LARP1: variants seen among roughly 807,000 people sequenced by gnomAD.
LARP1 encodes the protein la-related protein 1.
LARP1 carries 36 observed loss-of-function variants against 122.7 expected under a neutral mutation model. The ratio of observed to expected loss-of-function variants is 0.29; its 90% CI spans 0.22 to 0.39. The LOEUF is 0.39. Ranked by LOEUF, LARP1 falls within the 10% of genes least tolerant of loss-of-function variation. The pLI, the probability that LARP1 is intolerant of heterozygous loss-of-function variation, is 1.00. For missense variants in LARP1, 1,040 were observed against 1,403.6 expected, an observed-to-expected ratio of 0.74 and a Z score of 4.14; for synonymous variants, 539 against 528.7, an observed-to-expected ratio of 1.02 and a Z score of -0.27.
intron 14 of LARP1, chr5:154,805,171 G>A (rs73276785): frequency 6.1e-6 from 2 of 328,204 alleles, no homozygotes; most frequent in South Asian, 2.5e-5. Context: ...GGAGAGTGAG[G>A]TACAGTTTAC....
exon 1 of LARP1, chr5:154,712,901 A>G (rs1561539727): frequency 1.9e-6 from 3 of 1,603,694 alleles, no homozygotes; most frequent in Non-Finnish European, 2.6e-6. Context: ...AGGGCCACAT[A>G]GTGACCCCAG....
intron 1 of LARP1, among the ~76,000 whole-genome samples, chr5:154,692,277 A>T (rs116327727): frequency 6.6e-6 from 1 of 152,216 alleles, no homozygotes; most frequent in Non-Finnish European, 1.5e-5. Context: ...GGAGTCTACC[A>T]GTTCCTAGCT....
intron 4 of LARP1, 66 bp downstream of exon 4, chr5:154,792,862 A>G: frequency 6.5e-7 from 1 of 1,527,614 alleles, no homozygotes; most frequent in Non-Finnish European, 8.9e-7. Context: ...TCAGGACTCC[A>G]GGGGACTGCT....
chr5:154,784,422 A>G (rs1273806024), intron 1 of LARP1, among the ~76,000 whole-genome samples: 3 of 152,220 alleles, frequency 2.0e-5, no homozygotes, highest in Non-Finnish European at 4.4e-5. Context: ...TGTGAATGTA[A>G]TACAGCCCCT....
chr5:154,811,750 C>A, intron 18 of LARP1, 110 bp downstream of exon 18: 1 of 1,300,048 alleles, frequency 7.7e-7, no homozygotes, highest in Non-Finnish European at 1.1e-6. Flanking sequence ...GAACCCCTCT[C>A]CCTGCTCCCC....
intron 1 of LARP1, among the ~76,000 whole-genome samples, chr5:154,696,540 A>G (rs767927524): frequency 3.0e-4 from 45 of 152,326 alleles, no homozygotes; most frequent in Non-Finnish European, 5.0e-4. Context: ...AGCCCTTCAT[A>G]TGCATTGTCT....
upstream of LARP1, among the ~76,000 whole-genome samples, chr5:154,711,099 A>G (rs1023000935): frequency 1.3e-5 from 2 of 150,828 alleles, no homozygotes; most frequent in South Asian, 4.2e-4. Flanking sequence ...GAAGACTACT[A>G]CATATTCCGT....
At position 154,813,939 on chromosome 5, in the gene LARP1, G is replaced by T. The variant is rs113898280; in HGVS notation, c.3134G>T (p.Gly1045Val). The T allele has an allele frequency of 3.9e-5, 63 of 1,614,104 alleles. 3 individuals are homozygous for T. The highest frequency in any genetic ancestry group is 3.3e-4 in the African/African-American group (25 of 75,018). ...NHKRHSVVAG[G>V]GGGEGRKRCP... ...AAGCGACACTCAGTGGTAGCAGGAG[G>T]TGGCGGCGGTGAGGGCAGGAAGCGG... The change falls in exon 19 of 19, where the codon GGT becomes GTT. Residue 1045 changes from glycine to valine, a missense_variant. Gly to Val is a moderately radical substitution (Grantham distance 109). This residue lies in a region of LARP1 where 129 missense variants were observed against 160.8 expected (regional missense o/e 0.80). Transcript: ENST00000518297.
intron 14 of LARP1, chr5:154,805,113 CAAA>C (rs1758659007): frequency 2.9e-6 from 1 of 340,368 alleles, no homozygotes; most frequent in Non-Finnish European, 5.7e-6. Context: ...AAGAAAATCA[CAAA>C]GAAGGGAACA....
At chr5:154,748,449 G>A (rs372781581) in intron 1 of LARP1, among the ~76,000 whole-genome samples, 10 of 152,264 alleles carry the variant, frequency 6.6e-5, no homozygotes, top group African/African-American at 2.4e-4. Context: ...TAACTGAGTA[G>A]AGAAAATGAA....
intron 1 of LARP1, among the ~76,000 whole-genome samples, chr5:154,764,721 A>G (rs1055541283): frequency 2.6e-5 from 4 of 151,662 alleles, no homozygotes; most frequent in Admixed American, 1.3e-4. Context: ...CCTAGCCAAC[A>G]TGGTGAAACC....
Position 154,692,397 on chromosome 5 carries a change from CTT to C in LARP1, c.-180+9361_-180+9362del, listed in dbSNP as rs1442641336. 5.3e-5 allele frequency among the ~76,000 whole-genome samples: 8 copies of C among 152,258 alleles called. No homozygotes were observed. The East Asian group carries it at 1.5e-3, about 29-fold the overall frequency. On this transcript the variant is annotated intron_variant, in intron 1 of 18. Transcript: ENST00000687700. The stretch of plus-strand genomic sequence containing the variant: ...GACAGGCTGAGGATTAAGTGAGTCA[CTT>C]AGCATAGTTCCTGGAACACACTCAA...
At chr5:154,757,284 G>C (rs374282008) in intron 1 of LARP1, 5 of 152,086 alleles carry the variant, frequency 3.3e-5, no homozygotes, top group Non-Finnish European at 5.9e-5. Flanking sequence ...CCCCTTTCCG[G>C]GGGGAGGTAA....
At chr5:154,731,550 T>C (rs912659366) in intron 1 of LARP1, among the ~76,000 whole-genome samples, 1 of 152,076 alleles carries the variant, frequency 6.6e-6, no homozygotes, top group African/African-American at 2.4e-5. Context: ...CCTGCAACCA[T>C]AGACATTTCA....
intron 1 of LARP1, among the ~76,000 whole-genome samples, chr5:154,721,346 CA>C (rs70981943): frequency 3.3e-3 from 421 of 126,768 alleles, no homozygotes; most frequent in African/African-American, 9.4e-3. Context: ...GACTCCGTCT[CA>C]AAAAAAAAAA....
At chr5:154,795,904 T>A (rs1190863989) in intron 8 of LARP1, among the ~76,000 whole-genome samples, 2 of 125,744 alleles carry the variant, frequency 1.6e-5, no homozygotes, top group African/African-American at 3.0e-5. Context: ...ATTTATATAT[T>A]ATATATTTAT....
chr5:154,772,092 A>G (rs569974424), intron 1 of LARP1, among the ~76,000 whole-genome samples: 1 of 152,260 alleles, frequency 6.6e-6, no homozygotes, highest in Non-Finnish European at 1.5e-5. Context: ...GCACATGAAC[A>G]TAAATACACA....
intron 1 of LARP1, among the ~76,000 whole-genome samples, chr5:154,776,647 A>C (rs1355199818): frequency 6.6e-6 from 1 of 152,350 alleles, no homozygotes; most frequent in East Asian, 1.9e-4. Flanking sequence ...TGTTCAATTT[A>C]TGCCCACCTT....
Position 154,795,285 on chromosome 5 carries a change from A to G in LARP1, c.1343A>G (p.Gln448Arg). ...ITLIASFHRV[Q>R]ALTTDISLIF... Reference sequence around the variant, plus strand: ...CTTATTGCTTCCTTCCACCGAGTGCAGGCCCTTACCACTGACATTTCACTC... The same window carrying G: ...CTTATTGCTTCCTTCCACCGAGTGCGGGCCCTTACCACTGACATTTCACTC... Residue 448 changes from glutamine to arginine, a missense_variant, in exon 8 of 19, where the codon CAG becomes CGG. Coordinates refer to ENST00000518297, the MANE Select transcript of LARP1 (RefSeq NM_033551.3). 1 of 1,613,988 alleles carries G rather than the reference A, an allele frequency of 6.2e-7. No homozygotes were observed. The highest frequency in any genetic ancestry group is 8.5e-7 in the Non-Finnish European group (1 of 1,179,924).
Sources: allele counts gnomAD v4.1 joint callset (sites outside exome capture counted in the v4.1 genomes callset), GRCh38; gene constraint gnomAD v4.1.1; regional missense constraint gnomAD v4.1.1; transcripts MANE v1.5; gene names NCBI Gene and HGNC (gene_info 2026-07-23, HGNC 2026-07-21).